The following FCAMR variants were observed in gnomAD, a reference collection of about 807,000 sequenced individuals.
The protein encoded by FCAMR is Fc alpha and mu receptor, also known as high affinity immunoglobulin alpha and immunoglobulin mu Fc receptor.
In FCAMR, 51 loss-of-function variants were observed where a neutral mutation model predicts 52.2. That is an observed-to-expected ratio of 0.98 (90% CI 0.78 to 1.23). The LOEUF (loss-of-function observed/expected upper bound fraction) is 1.23, where lower values mean the gene tolerates loss of function less well. FCAMR is among the 50% of genes most tolerant of loss of function. The pLI, the probability that FCAMR is intolerant of heterozygous loss-of-function variation, is 0.00. For missense variants in FCAMR, 719 were observed against 712.6 expected (o/e 1.01, Z -0.10); for synonymous variants, 282 against 262.0 (o/e 1.08, Z -0.74).
At chr1:206,965,390 A>G (rs1224424652) in intron 4 of FCAMR, among the ~76,000 whole-genome samples, 1 of 152,248 alleles carries the variant, frequency 6.6e-6, no homozygotes, top group Non-Finnish European at 1.5e-5. Context: ...TTCATTTGAT[A>G]GATCACTGAT....
chr1:206,969,954 T>C, intron 1 of FCAMR, 133 bp downstream of exon 1: 2 of 1,039,924 alleles, frequency 1.9e-6, no homozygotes, highest in Admixed American at 2.0e-5. Flanking sequence ...CTAGAACCCT[T>C]ACCTGGCCTC....
At position 206,965,797 on chromosome 1, in the gene FCAMR, G is replaced by A. The variant is rs201466801; in HGVS notation, c.231C>T (p.Leu77=). Residue 77 remains leucine (L), a synonymous_variant, in exon 4 of 8, where the codon CTC becomes CTT. Coordinates refer to ENST00000324852, the MANE Select transcript of FCAMR (RefSeq NM_001170631.2). Reference sequence around the variant, plus strand: ...TGGCCCGGAGATGGGTCCTGGAGGGGAGAGAGCCCTCCCACAGCCATCTCG... The same window carrying A: ...TGGCCCGGAGATGGGTCCTGGAGGGAAGAGAGCCCTCCCACAGCCATCTCG... ...PHPRWLWEGS[L]PSRTHLRAMG... is the part of the protein sequence containing the mutation. 8.6e-5 allele frequency: 137 copies of A among 1,597,990 alleles called. 1 individual carries two copies. Among genetic ancestry groups the A allele is most frequent in the East Asian group, 2.3e-5 (1 of 43,340 alleles).
At chr1:206,958,859 G>A (rs1680369072) in intron 7 of FCAMR, 183 bp from the exon 8 acceptor site, 1 of 735,248 alleles carries the variant, frequency 1.4e-6, no homozygotes, top group Non-Finnish European at 2.4e-6. Context: ...CGGGGCCTGG[G>A]TCTGAGAACC....
chr1:206,970,461 G>A (rs1208103496), upstream of FCAMR: 2 of 219,654 alleles, frequency 9.1e-6, no homozygotes, highest in Non-Finnish European at 1.8e-5. Context: ...CTCCTCTTGT[G>A]TCCCCTTCAG....
At chr1:206,968,443 C>A (rs1018278699) in intron 1 of FCAMR, among the ~76,000 whole-genome samples, 5 of 152,372 alleles carry the variant, frequency 3.3e-5, no homozygotes, top group Admixed American at 1.3e-4. Flanking sequence ...CTCTTTGAAT[C>A]TATCTATTGC....
chr1:206,961,827 A>C (rs1385386805), intron 5 of FCAMR, among the ~76,000 whole-genome samples: 1 of 152,200 alleles, frequency 6.6e-6, no homozygotes. Flanking sequence ...GCCCAGTTGC[A>C]ATTCTTCTGT....
chr1:206,967,476 C>T (rs561292505), intron 2 of FCAMR, 107 bp downstream of exon 2: 21 of 1,265,054 alleles, frequency 1.7e-5, no homozygotes, highest in Middle Eastern at 2.1e-4. Context: ...CGTTTGAAGT[C>T]CAAACTCTAG....
At chr1:206,969,883 C>T (rs970669103) in intron 1 of FCAMR, among the ~76,000 whole-genome samples, 8 of 152,296 alleles carry the variant, frequency 5.3e-5, no homozygotes, top group Admixed American at 1.3e-4. Flanking sequence ...AGGAACCATG[C>T]ACTCTGGTGG....
intron 7 of FCAMR, 143 bp downstream of exon 7, chr1:206,959,536 G>C (rs1680407752): frequency 1.6e-6 from 1 of 627,930 alleles, no homozygotes; most frequent in African/African-American, 1.8e-5. Flanking sequence ...AGAAACCAAG[G>C]CCAAGAGTGG....
chr1:206,967,198 T>C, intron 2 of FCAMR, 86 bp from the exon 3 acceptor site: 1 of 1,427,396 alleles, frequency 7.0e-7, no homozygotes, highest in Non-Finnish European at 9.7e-7. Context: ...TCTTCTCACT[T>C]TGGGATCTCG....
chr1:206,962,162 C>T (rs779501115), intron 5 of FCAMR, 51 bp downstream of exon 5: 1 of 1,564,380 alleles, frequency 6.4e-7, no homozygotes, highest in Non-Finnish European at 8.7e-7. Context: ...CCACTTTCTC[C>T]TTCCTAGAAC....
chr1:206,970,212 A>G lies in FCAMR; in HGVS notation c.-87T>C. ...ACGACTTCTAGTTGCTCTCCTTTAA[A>G]CCTGGAGACTGAGAAGTCAAGGTGG... is the stretch of plus-strand genomic sequence containing the variant. On this transcript the variant is annotated 5_prime_UTR_variant, in exon 1 of 8. Transcript: ENST00000324852. 1 of 1,475,966 alleles carries G rather than the reference A, an allele frequency of 6.8e-7. No homozygotes were observed. The highest frequency in any genetic ancestry group is 9.4e-7 in the Non-Finnish European group (1 of 1,063,792). The allele number at this position is 1,475,966 out of a possible 1,614,324, so 91.4% of individuals were successfully genotyped here.
At chr1:206,967,446 A>C (rs1680756664) in intron 2 of FCAMR, 137 bp downstream of exon 2, 2 of 906,866 alleles carry the variant, frequency 2.2e-6, no homozygotes, top group African/African-American at 3.3e-5. Flanking sequence ...TGTGGGGAGC[A>C]CCGTGTAGTG....
chr1:206,969,179 C>G (rs1680837522), intron 1 of FCAMR: 1 of 375,176 alleles, frequency 2.7e-6, no homozygotes. Flanking sequence ...TTCTAAAGCA[C>G]TAAGTGCTGA....
intron 1 of FCAMR, among the ~76,000 whole-genome samples, chr1:206,969,071 C>G (rs574986794): frequency 1.8e-4 from 28 of 152,334 alleles, no homozygotes; most frequent in Non-Finnish European, 3.2e-4. Context: ...GAGACTCTCC[C>G]AGGGTGTTTG....
intron 1 of FCAMR, 140 bp downstream of exon 1, chr1:206,969,947 G>T: frequency 1.1e-6 from 1 of 944,532 alleles, no homozygotes; most frequent in Non-Finnish European, 1.7e-6. Context: ...CTGGACTCTA[G>T]AACCCTTACC....
chr1:206,969,398 C>T lies in FCAMR; in HGVS notation c.39+689G>A, dbSNP rs767152874. On this transcript the variant is annotated intron_variant, in intron 1 of 7. Coordinates refer to ENST00000324852, the MANE Select transcript of FCAMR (RefSeq NM_001170631.2). ...CTCAACGGAATGTCTCCAAGTCACC[C>T]TCTCTGCCAATGACCTTCAGAAATC... The T allele has an allele frequency of 2.0e-4, 86 of 421,194 alleles. 1 individual carries two copies. The highest frequency in any genetic ancestry group is 1.4e-3 in the South Asian group (82 of 58,774). 26.1% of individuals were successfully genotyped at this position (421,194 alleles called of 1,614,324 possible). A position where few individuals can be genotyped will look rare whatever the true frequency, so the allele number is the denominator to read the frequency against.
chr1:206,965,795 G>A lies in FCAMR; in HGVS notation c.233C>T (p.Pro78Leu). The A allele has an allele frequency of 6.3e-7, 1 of 1,596,282 alleles. No homozygotes were observed. The highest frequency in any genetic ancestry group is 8.5e-7 in the Non-Finnish European group (1 of 1,173,128). Reference protein sequence around the residue: ...HPRWLWEGSLPSRTHLRAMGT... With the variant: ...HPRWLWEGSLLSRTHLRAMGT... ...CATGGCCCGGAGATGGGTCCTGGAG[G>A]GGAGAGAGCCCTCCCACAGCCATCT... The change falls in exon 4 of 8, where the codon CCC (proline) becomes CTC (leucine). Residue 78 changes from proline (P) to leucine (L), a missense_variant. Transcript: ENST00000324852.
intron 2 of FCAMR, 84 bp downstream of exon 2, chr1:206,967,499 G>T: frequency 7.1e-7 from 1 of 1,413,656 alleles, no homozygotes; most frequent in Non-Finnish European, 9.9e-7. Flanking sequence ...GGAATTGTGG[G>T]ACCTTGGAAG....
Sources: gnomAD v4.1 joint callset for allele counts (sites outside exome capture counted in the v4.1 genomes callset) on GRCh38, gnomAD v4.1.1 for gene constraint, MANE v1.5 for transcripts, NCBI Gene and HGNC (gene_info 2026-07-23, HGNC 2026-07-21) for gene names.